PDE10A: variants seen among roughly 807,000 people sequenced by gnomAD.
The protein encoded by PDE10A is cAMP and cAMP-inhibited cGMP 3',5'-cyclic phosphodiesterase 10A.
A neutral mutation model predicts 97.7 loss-of-function variants in PDE10A; 39 were observed. The ratio of observed to expected loss-of-function variants is 0.40; its 90% CI spans 0.31 to 0.52. PDE10A has a LOEUF of 0.52. Ranked by LOEUF, PDE10A falls within the 20% of genes least tolerant of loss-of-function variation. PDE10A has a pLI of 0.56. For synonymous variants in PDE10A, 371 were observed against 376.8 expected, an observed-to-expected ratio of 0.98 and a Z score of 0.18; for missense variants, 731 against 1,047.8, an observed-to-expected ratio of 0.70 and a Z score of 4.17.
At chr6:165,475,578 T>A (rs1444942677) in intron 3 of PDE10A, among the ~76,000 whole-genome samples, 1 of 152,308 alleles carries the variant, frequency 6.6e-6, no homozygotes, top group South Asian at 2.1e-4. Context: ...CCAAGAAAAT[T>A]ACACTGTTGC....
chr6:165,395,180 C>T lies in PDE10A; in HGVS notation c.2303+1G>A. On this transcript the variant is annotated splice_donor_variant, in intron 15 of 21. Transcript: ENST00000539869. LOFTEE classifies it high-confidence loss of function. ...AAAGTAAATTTTAAAGTCATTCATA[C>T]CAGGATGTCCCACAGGACCGATGAA... 6.2e-7 allele frequency: 1 copy of T among 1,604,728 alleles called. No individual in the cohort carries two copies. Among genetic ancestry groups the T allele is most frequent in the Non-Finnish European group, 8.5e-7 (1 of 1,171,950 alleles).
At chr6:165,417,230 T>C (rs1321811644) in intron 11 of PDE10A, among the ~76,000 whole-genome samples, 2 of 152,246 alleles carry the variant, frequency 1.3e-5, no homozygotes, top group African/African-American at 2.4e-5. Flanking sequence ...TGGTTGTCTT[T>C]TTCCTGGTTT....
chr6:165,501,782 G>A (rs1360118386), intron 2 of PDE10A, among the ~76,000 whole-genome samples: 3 of 152,160 alleles, frequency 2.0e-5, no homozygotes, highest in African/African-American at 4.8e-5. Context: ...ACGGCCTTCT[G>A]TCGAACTTGA....
At chr6:165,371,846 A>G (rs1257276195) in intron 18 of PDE10A, among the ~76,000 whole-genome samples, 31 of 152,122 alleles carry the variant, frequency 2.0e-4, no homozygotes, top group Admixed American at 1.9e-3. Flanking sequence ...CTGGCAAACC[A>G]AATCCAGCAG....
intron 18 of PDE10A, among the ~76,000 whole-genome samples, chr6:165,373,473 T>G (rs1192959413): frequency 2.6e-5 from 4 of 152,138 alleles, no homozygotes; most frequent in East Asian, 3.9e-4. Context: ...AAAAGACACA[T>G]GAAAAAATGC....
intron 1 of PDE10A, among the ~76,000 whole-genome samples, chr6:165,850,773 T>C (rs980483672): frequency 6.6e-6 from 1 of 152,244 alleles, no homozygotes; most frequent in Admixed American, 6.5e-5. Flanking sequence ...ACATAATTTA[T>C]TTAATTTCAA....
chr6:165,732,727 G>C (rs1363736026), intron 1 of PDE10A, among the ~76,000 whole-genome samples: 1 of 152,182 alleles, frequency 6.6e-6, no homozygotes, highest in Non-Finnish European at 1.5e-5. Context: ...TGGTCCCAGC[G>C]TCACATCCAA....
At chr6:165,844,624 C>T (rs1035745638) in intron 1 of PDE10A, among the ~76,000 whole-genome samples, 1 of 152,156 alleles carries the variant, frequency 6.6e-6, no homozygotes, top group Non-Finnish European at 1.5e-5. Context: ...TGTTTTAAAA[C>T]CCCAAGTCGG....
chr6:165,442,292 G>A (rs376368581), intron 5 of PDE10A, among the ~76,000 whole-genome samples: 2 of 150,864 alleles, frequency 1.3e-5, no homozygotes, highest in African/African-American at 2.4e-5. Flanking sequence ...ATCCCTCCCC[G>A]CTCCCCCCAC....
At chr6:165,482,394 T>G in intron 2 of PDE10A, 51 bp from the exon 3 acceptor site, 1 of 1,377,536 alleles carries the variant, frequency 7.3e-7, no homozygotes, top group Non-Finnish European at 1.0e-6. Flanking sequence ...CTGAGTAGGT[T>G]TTAAAATACA....
chr6:165,513,275 A>AT (rs1781607028), intron 2 of PDE10A, among the ~76,000 whole-genome samples: 1 of 152,074 alleles, frequency 6.6e-6, no homozygotes, highest in Admixed American at 6.6e-5. Context: ...GTATGAATAT[A>AT]TAATTGTCCC....
chr6:165,527,190 A>G (rs1264438914), intron 2 of PDE10A, among the ~76,000 whole-genome samples: 1 of 152,176 alleles, frequency 6.6e-6, no homozygotes, highest in African/African-American at 2.4e-5. Context: ...TACAACCAAG[A>G]AGGAGGCACA....
chr6:165,954,265 T>A (rs746670606), intron 1 of PDE10A, among the ~76,000 whole-genome samples: 3 of 152,234 alleles, frequency 2.0e-5, no homozygotes, highest in Non-Finnish European at 4.4e-5. Context: ...AATTTTTAGA[T>A]GAAAATATTA....
intron 1 of PDE10A, among the ~76,000 whole-genome samples, chr6:165,560,488 C>T (rs1583541679): frequency 2.0e-5 from 3 of 152,314 alleles, no homozygotes; most frequent in African/African-American, 4.8e-5. Context: ...AATAGTTACA[C>T]AGGGTCTACA....
chr6:165,379,217 T>C lies in PDE10A; in HGVS notation c.2760A>G (p.Leu920=). Reference sequence around the variant, plus strand: ...ACCTATGTGATTGATTATTAAGGTTTAGTGATCCGGTCTGGTACATCTCTT... The same window carrying C: ...ACCTATGTGATTGATTATTAAGGTTCAGTGATCCGGTCTGGTACATCTCTT... ...QLEEMYQTGS[L]NLNNQSHRDR... The change falls in exon 18 of 22, where the codon CTA becomes CTG. Residue 920 remains leucine (L), a synonymous_variant. Coordinates refer to ENST00000539869, the MANE Select transcript of PDE10A (RefSeq NM_001385079.1). 6.2e-7 allele frequency: 1 copy of C among 1,610,646 alleles called. No homozygotes were observed. The highest frequency in any genetic ancestry group is 8.5e-7 in the Non-Finnish European group (1 of 1,178,808).
Position 165,954,144 on chromosome 6 carries a change from A to G in PDE10A, c.-615+33385T>C, listed in dbSNP as rs115223756. ...TGGAACGACCACAGTTTGTTTATCC[A>G]TTTACCTAACCGAGGGTATCCTGGT... On this transcript the variant is annotated intron_variant, in intron 1 of 19. Transcript: ENST00000366882. Among the ~76,000 whole-genome samples the G allele has an allele frequency of 7.8e-3, 1,185 of 152,300 alleles. 27 individuals are homozygous for G. Among genetic ancestry groups the G allele is most frequent in the African/African-American group, 0.027 (1,129 of 41,562 alleles).
intron 1 of PDE10A, chr6:165,780,856 C>G (rs1778323487): frequency 6.6e-6 from 1 of 152,254 alleles, no homozygotes; most frequent in African/African-American, 2.4e-5. Context: ...TCTAGGCTTT[C>G]TCATTCCCTT....
At chr6:165,797,700 T>A (rs1032701353) in intron 1 of PDE10A, among the ~76,000 whole-genome samples, 24 of 152,168 alleles carry the variant, frequency 1.6e-4, no homozygotes, top group African/African-American at 5.6e-4. Context: ...GCCTGAAAAT[T>A]TAGGAAATGA....
chr6:165,394,941 A>G (rs1412254076), intron 15 of PDE10A, among the ~76,000 whole-genome samples: 1 of 152,184 alleles, frequency 6.6e-6, no homozygotes, highest in Non-Finnish European at 1.5e-5. Context: ...AAAGCTTTTC[A>G]GATTTTTTAA....
Sources: allele counts gnomAD v4.1 joint callset (sites outside exome capture counted in the v4.1 genomes callset), GRCh38; gene constraint gnomAD v4.1.1; transcripts MANE v1.5; gene names NCBI Gene and HGNC (gene_info 2026-07-23, HGNC 2026-07-21).